Variants in MON2 observed in about 807,000 individuals in gnomAD.
MON2 encodes protein MON2 homolog.
In MON2, 84 loss-of-function variants were observed where a neutral mutation model predicts 208.6. That is an observed-to-expected ratio of 0.40 (90% CI 0.34 to 0.48). MON2 has a LOEUF of 0.48. Among genes scored for constraint, MON2 ranks in the 20% least tolerant of loss-of-function variants. The probability of loss-of-function intolerance (pLI) is 0.59; values close to 1 mark genes in which losing one functional copy is unlikely to be tolerated. For synonymous variants in MON2, 660 were observed against 694.0 expected (o/e 0.95, Z 0.77); for missense variants, 1,611 against 2,015.4 (o/e 0.80, Z 3.84).
At chr12:62,539,146 T>C (rs1423719838) in intron 19 of MON2, among the ~76,000 whole-genome samples, 2 of 152,152 alleles carry the variant, frequency 1.3e-5, no homozygotes, top group African/African-American at 4.8e-5. Context: ...TTAAAATCAA[T>C]AAATATAGTT....
intron 1 of MON2, among the ~76,000 whole-genome samples, chr12:62,480,464 G>T (rs923630548): frequency 6.6e-6 from 1 of 152,130 alleles, no homozygotes; most frequent in African/African-American, 2.4e-5. Context: ...TACTCAGGAG[G>T]CTGAGATGGA....
chr12:62,535,420 T>C, intron 13 of MON2, 105 bp from the exon 14 acceptor site: 1 of 856,372 alleles, frequency 1.2e-6, no homozygotes, highest in East Asian at 2.7e-5. Flanking sequence ...ACAATATTTT[T>C]GTATAGATTT....
intron 8 of MON2, among the ~76,000 whole-genome samples, chr12:62,521,086 A>G (rs1021256603): frequency 3.3e-5 from 5 of 151,684 alleles, no homozygotes; most frequent in African/African-American, 9.7e-5. Flanking sequence ...GCTCACTGCA[A>G]CCTCTGCCTC....
In MON2 at chr12:62,596,308, A is replaced by C. The variant is rs987331054; in HGVS notation, c.*3559A>C. ...ACAGAATAATTCAGATGGGCAACCAAGTTTTCAAGAGACTGCTGTAGGTGA... is the reference window on the plus strand; with the variant it reads ...ACAGAATAATTCAGATGGGCAACCACGTTTTCAAGAGACTGCTGTAGGTGA... On this transcript the variant is annotated 3_prime_UTR_variant, in exon 35 of 35. Transcript: ENST00000393630. The C allele has an allele frequency of 6.6e-6, 1 of 152,244 alleles. No homozygotes were observed. The highest frequency in any genetic ancestry group is 2.4e-5 in the African/African-American group (1 of 41,452). The allele number at this position is 152,244 out of a possible 1,614,324, so 9.4% of individuals were successfully genotyped here.
intron 13 of MON2, 70 bp downstream of exon 13, chr12:62,534,996 A>C (rs985957993): frequency 9.2e-7 from 1 of 1,089,420 alleles, no homozygotes; most frequent in Non-Finnish European, 1.4e-6. Flanking sequence ...TGGTTTACTT[A>C]CATTTGTCCC....
At chr12:62,592,420 A>G (rs1231440779) in intron 34 of MON2, among the ~76,000 whole-genome samples, 166 bp from the exon 35 acceptor site, 2 of 152,218 alleles carry the variant, frequency 1.3e-5, no homozygotes, top group Non-Finnish European at 2.9e-5. Context: ...TATTAAATAT[A>G]GCAGGAAATC....
At chr12:62,538,774 T>C (rs2073099396) in intron 19 of MON2, among the ~76,000 whole-genome samples, 1 of 152,068 alleles carries the variant, frequency 6.6e-6, no homozygotes, top group African/African-American at 2.4e-5. Flanking sequence ...TATAAAATAA[T>C]ATAATACAGT....
intron 14 of MON2, 35 bp from the exon 15 acceptor site, chr12:62,537,116 T>A: frequency 7.9e-7 from 1 of 1,260,030 alleles, no homozygotes; most frequent in Non-Finnish European, 1.1e-6. Context: ...TATAAAAATA[T>A]ATTTTAATTA....
Position 62,501,025 on chromosome 12 carries a change from CTT to C in MON2, c.663+148_663+149del, listed in dbSNP as rs527682911. The C allele has an allele frequency of 2.2e-4, 102 of 466,264 alleles. No individual in the cohort carries two copies. In the Middle Eastern group the frequency reaches 2.3e-3, roughly 10 times the overall value. The allele number at this position is 466,264 out of a possible 1,614,324, so 28.9% of individuals were successfully genotyped here. ...GTATTAAGATAGTTCTAAAGAACAA[CTT>C]TTATATTTACTTTATAGCTAATTAA... On this transcript the variant is annotated intron_variant, in intron 6 of 34. Transcript: ENST00000393630.
At position 62,592,945 on chromosome 12, in the gene MON2, C is replaced by A; in HGVS notation, c.*196C>A. ...TCAACAAAGGCTCCTGAATGAACAGCAGTGTAAGGCTTTAATAAATTAAAC... is the reference window on the plus strand; with the variant it reads ...TCAACAAAGGCTCCTGAATGAACAGAAGTGTAAGGCTTTAATAAATTAAAC... On this transcript the variant is annotated 3_prime_UTR_variant, in exon 35 of 35. Coordinates refer to ENST00000393630, the MANE Select transcript of MON2 (RefSeq NM_015026.3). 2.1e-6 allele frequency: 1 copy of A among 469,294 alleles called. No homozygotes were observed. The highest frequency in any genetic ancestry group is 3.1e-5 in the East Asian group (1 of 32,648). 29.1% of individuals were successfully genotyped at this position (469,294 alleles called of 1,614,324 possible).
chr12:62,504,078 A>C (rs1311347393), intron 7 of MON2, among the ~76,000 whole-genome samples: 1 of 152,068 alleles, frequency 6.6e-6, no homozygotes, highest in Non-Finnish European at 1.5e-5. Flanking sequence ...ACTGTTGTAT[A>C]GGTGTCTTTA....
intron 2 of MON2, among the ~76,000 whole-genome samples, chr12:62,486,343 TA>T (rs1390571227): frequency 2.0e-5 from 3 of 151,140 alleles, no homozygotes; most frequent in Non-Finnish European, 4.4e-5. Flanking sequence ...TTAAGATGAG[TA>T]AGAAAAATTT....
At chr12:62,490,115 A>AG in intron 2 of MON2, 1 of 525,878 alleles carries the variant, frequency 1.9e-6, no homozygotes, top group Non-Finnish European at 3.0e-6. Flanking sequence ...GACCTTTTTC[A>AG]GGTGTGTGAA....
intron 24 of MON2, among the ~76,000 whole-genome samples, chr12:62,553,922 A>G (rs965515001): frequency 6.6e-6 from 1 of 152,120 alleles, no homozygotes. Context: ...GGTGACTGAC[A>G]CCTGTAATCC....
At chr12:62,534,987 G>A in intron 13 of MON2, 61 bp downstream of exon 13, 1 of 1,171,694 alleles carries the variant, frequency 8.5e-7, no homozygotes, top group African/African-American at 1.5e-5. Flanking sequence ...ACATTAAAAT[G>A]GTTTACTTAC....
intron 5 of MON2, 117 bp downstream of exon 5, chr12:62,499,165 A>G: frequency 9.4e-7 from 1 of 1,067,676 alleles, no homozygotes; most frequent in Non-Finnish European, 1.3e-6. Context: ...GCAACTTAAA[A>G]AATAAATTCC....
chr12:62,494,807 G>T (rs1257577473), intron 3 of MON2, among the ~76,000 whole-genome samples: 4 of 152,098 alleles, frequency 2.6e-5, no homozygotes, highest in African/African-American at 9.7e-5. Context: ...ATTCAAATAG[G>T]ATATTACAAT....
At chr12:62,482,558 T>C (rs1480159560) in intron 1 of MON2, 1 of 152,202 alleles carries the variant, frequency 6.6e-6, no homozygotes, top group African/African-American at 2.4e-5. Context: ...AGTACGTACT[T>C]ACTATCTTTG....
intron 29 of MON2, among the ~76,000 whole-genome samples, chr12:62,570,242 A>G (rs1368219057): frequency 6.6e-6 from 1 of 152,206 alleles, no homozygotes; most frequent in Non-Finnish European, 1.5e-5. Flanking sequence ...GTCACTGTAC[A>G]TGACTCAAAC....
Sources: gnomAD v4.1 joint callset for allele counts (sites outside exome capture counted in the v4.1 genomes callset) on GRCh38, gnomAD v4.1.1 for gene constraint, MANE v1.5 for transcripts, NCBI Gene and HGNC (gene_info 2026-07-23, HGNC 2026-07-21) for gene names.